PDE11A: variants seen among roughly 807,000 people sequenced by gnomAD.
The protein encoded by PDE11A is phosphodiesterase 11A, also known as dual 3',5'-cyclic-AMP and -GMP phosphodiesterase 11A.
In PDE11A, 100 loss-of-function variants were observed where a neutral mutation model predicts 100.5. The ratio of observed to expected loss-of-function variants is 1.00; its 90% CI spans 0.85 to 1.18. PDE11A has a LOEUF of 1.18. Ranked by LOEUF, PDE11A falls within the 50% of genes most tolerant of loss-of-function variation. The probability of loss-of-function intolerance (pLI) is 0.00; values close to 1 mark genes in which losing one functional copy is unlikely to be tolerated. For missense variants in PDE11A, 1,141 were observed against 1,152.6 expected, an observed-to-expected ratio of 0.99 and a Z score of 0.15; for synonymous variants, 381 against 420.8, an observed-to-expected ratio of 0.91 and a Z score of 1.16.
chr2:177,941,180 T>C (rs1220275028), intron 2 of PDE11A, among the ~76,000 whole-genome samples: 1 of 152,224 alleles, frequency 6.6e-6, no homozygotes, highest in Non-Finnish European at 1.5e-5. Flanking sequence ...TCTTCTGATT[T>C]AGGTATTACT....
chr2:177,913,320 C>A (rs2084908569), intron 2 of PDE11A, among the ~76,000 whole-genome samples: 1 of 152,110 alleles, frequency 6.6e-6, no homozygotes, highest in South Asian at 2.1e-4. Flanking sequence ...TTGGAACTTA[C>A]TTTATTCAAC....
chr2:177,873,441 G>A (rs1294204288), intron 5 of PDE11A, among the ~76,000 whole-genome samples: 1 of 151,880 alleles, frequency 6.6e-6, no homozygotes, highest in Non-Finnish European at 1.5e-5. Context: ...AGATTAGCTG[G>A]CATTAAATAT....
chr2:177,806,226 T>TTAA, intron 9 of PDE11A, among the ~76,000 whole-genome samples: 1 of 152,062 alleles, frequency 6.6e-6, no homozygotes, highest in African/African-American at 2.4e-5. Flanking sequence ...CACATGAATT[T>TTAA]GGCTGGAGTT....
intron 1 of PDE11A, chr2:178,018,579 T>A (rs566486138): frequency 1.8e-4 from 61 of 329,834 alleles, no homozygotes; most frequent in African/African-American, 8.4e-4. Flanking sequence ...AACAGATAAG[T>A]TCATTGTTGA....
At chr2:178,063,893 C>T (rs891177493) in intron 1 of PDE11A, among the ~76,000 whole-genome samples, 5 of 152,204 alleles carry the variant, frequency 3.3e-5, no homozygotes, top group African/African-American at 9.6e-5. Flanking sequence ...GGTACTACCA[C>T]ATTTTAGATC....
intron 9 of PDE11A, among the ~76,000 whole-genome samples, chr2:177,787,546 TTTAAA>T (rs1306740345): frequency 1.3e-5 from 2 of 151,698 alleles, no homozygotes; most frequent in East Asian, 3.9e-4. Flanking sequence ...CAATATTAAC[TTTAAA>T]TGTAAATGGA....
At chr2:177,899,615 C>T (rs1412510190) in intron 3 of PDE11A, 3 of 254,282 alleles carry the variant, frequency 1.2e-5, no homozygotes, top group Non-Finnish European at 1.6e-5. Flanking sequence ...GAGGTGAATG[C>T]TAATTAAGTT....
At chr2:177,804,665 A>G (rs1378445738) in intron 9 of PDE11A, among the ~76,000 whole-genome samples, 1 of 151,788 alleles carries the variant, frequency 6.6e-6, no homozygotes, top group Non-Finnish European at 1.5e-5. Flanking sequence ...AAGATATGGA[A>G]TCAACATAAA....
chr2:177,850,261 C>A (rs984386287), intron 5 of PDE11A, among the ~76,000 whole-genome samples: 1 of 152,038 alleles, frequency 6.6e-6, no homozygotes, highest in African/African-American at 2.4e-5. Flanking sequence ...CTTTGACAAA[C>A]CTGAGAAAAA....
intron 9 of PDE11A, among the ~76,000 whole-genome samples, chr2:177,774,395 C>A (rs2082351294): frequency 6.6e-6 from 1 of 152,190 alleles, no homozygotes; most frequent in Non-Finnish European, 1.5e-5. Context: ...AATTTCTTGC[C>A]AACAAATCCA....
intron 2 of PDE11A, among the ~76,000 whole-genome samples, chr2:177,962,856 C>T (rs936725894): frequency 8.6e-5 from 13 of 151,558 alleles, no homozygotes; most frequent in Non-Finnish European, 1.5e-4. Context: ...AAAAAAATCT[C>T]AAAAAAAATC....
chr2:177,767,807 G>A (rs1316178611), intron 10 of PDE11A, among the ~76,000 whole-genome samples: 1 of 152,082 alleles, frequency 6.6e-6, no homozygotes, highest in Non-Finnish European at 1.5e-5. Context: ...TATCTATTGA[G>A]TGTTACTATG....
chr2:178,105,854 T>G (rs1226010996), intron 1 of PDE11A: 5 of 297,438 alleles, frequency 1.7e-5, no homozygotes, highest in Admixed American at 1.1e-4. Context: ...TTGCGGTTTC[T>G]GTCCAAAAAA....
chr2:177,931,579 A>G (rs2085206528), intron 2 of PDE11A, among the ~76,000 whole-genome samples: 1 of 152,222 alleles, frequency 6.6e-6, no homozygotes, highest in Admixed American at 6.5e-5. Flanking sequence ...CAAGGCAGAA[A>G]TAAAAATAAA....
chr2:177,694,197 G>C (rs2081078626), intron 15 of PDE11A, among the ~76,000 whole-genome samples: 1 of 152,228 alleles, frequency 6.6e-6, no homozygotes, highest in Non-Finnish European at 1.5e-5. Context: ...TTCGTTGACT[G>C]CATGCCAGTG....
intron 10 of PDE11A, among the ~76,000 whole-genome samples, chr2:177,729,203 G>A (rs984838960): frequency 6.6e-6 from 1 of 152,100 alleles, no homozygotes; most frequent in Non-Finnish European, 1.5e-5. Flanking sequence ...CATAGGTGGA[G>A]CTTAGTTTTT....
chr2:177,899,408 A>AAACAAACAAACAAACAAAC (rs2084664760), intron 3 of PDE11A: 1 of 188,572 alleles, frequency 5.3e-6, no homozygotes, highest in African/African-American at 2.4e-5. Flanking sequence ...CTCTTTCTAA[A>AAACAAACAAACAAACAAAC]AAACAAACAA....
intron 10 of PDE11A, among the ~76,000 whole-genome samples, chr2:177,755,795 C>G (rs1020813536): frequency 6.6e-6 from 1 of 152,220 alleles, no homozygotes; most frequent in Non-Finnish European, 1.5e-5. Flanking sequence ...ACTTTTACCC[C>G]TTTGTAGAGC....
chr2:177,911,574 T>C (rs2084881491), intron 2 of PDE11A, among the ~76,000 whole-genome samples: 1 of 152,156 alleles, frequency 6.6e-6, no homozygotes, highest in South Asian at 2.1e-4. Flanking sequence ...CAAATAAATA[T>C]AAAACATTGT....
Sources: allele counts gnomAD v4.1 joint callset (sites outside exome capture counted in the v4.1 genomes callset), GRCh38; gene constraint gnomAD v4.1.1; transcripts MANE v1.5; gene names NCBI Gene and HGNC (gene_info 2026-07-23, HGNC 2026-07-21).